The following SLC26A9 variants were observed in gnomAD, a reference collection of about 807,000 sequenced individuals.
SLC26A9 encodes anion transporter/exchanger protein 9.
SLC26A9 carries 46 observed loss-of-function variants against 87.1 expected under a neutral mutation model. The observed-to-expected ratio is 0.53, with a 90% CI of 0.42 to 0.67. SLC26A9 has a LOEUF of 0.67. Among genes scored for constraint, SLC26A9 ranks in the 30% least tolerant of loss-of-function variants. The probability of loss-of-function intolerance (pLI) is 0.00; values close to 1 mark genes in which losing one functional copy is unlikely to be tolerated. For synonymous variants in SLC26A9, 437 were observed against 409.1 expected (o/e 1.07, Z -0.82); for missense variants, 927 against 1,018.3 (o/e 0.91, Z 1.22).
chr1:205,942,589 A>G (rs1219562472), intron 1 of SLC26A9, among the ~76,000 whole-genome samples: 1 of 152,152 alleles, frequency 6.6e-6, no homozygotes, highest in East Asian at 1.9e-4. Flanking sequence ...ACTGCCTGAG[A>G]GTGGCTTGGA....
intron 4 of SLC26A9, 59 bp from the exon 5 acceptor site, chr1:205,932,094 A>G (rs1659332127): frequency 6.3e-7 from 1 of 1,592,764 alleles, no homozygotes; most frequent in Admixed American, 1.7e-5. Flanking sequence ...GATGGAAACC[A>G]GAAAGGGGCC....
In SLC26A9 at chr1:205,942,547, G is replaced by T. The variant is rs114830235; in HGVS notation, c.-19+818C>A. ...GAAGCTTTGTTAGGTCTCAGCTGGGGACCCTCTGGGCTGGTTTTGAGGAAT... is the reference window on the plus strand; with the variant it reads ...GAAGCTTTGTTAGGTCTCAGCTGGGTACCCTCTGGGCTGGTTTTGAGGAAT... On this transcript the variant is annotated intron_variant, in intron 1 of 20. Coordinates refer to ENST00000367135, the MANE Select transcript of SLC26A9 (RefSeq NM_052934.4). Among the ~76,000 whole-genome samples, 611 of 152,310 alleles carry T rather than the reference G, an allele frequency of 4.0e-3. 2 individuals carry two copies. Among genetic ancestry groups the T allele is most frequent in the African/African-American group, 0.014 (594 of 41,558 alleles).
At chr1:205,941,838 A>G (rs1281790043) in intron 1 of SLC26A9, among the ~76,000 whole-genome samples, 1 of 152,230 alleles carries the variant, frequency 6.6e-6, no homozygotes, top group African/African-American at 2.4e-5. Context: ...TTAAATTCCT[A>G]GAAGTCTTTA....
At chr1:205,937,921 G>A (rs1659584564) in intron 1 of SLC26A9, among the ~76,000 whole-genome samples, 1 of 152,106 alleles carries the variant, frequency 6.6e-6, no homozygotes, top group African/African-American at 2.4e-5. Context: ...ATTTCAAGGG[G>A]GGCTGAGTCA....
Position 205,921,764 on chromosome 1 carries a change from G to A in SLC26A9, c.1857C>T (p.Gly619=). The A allele has an allele frequency of 6.2e-7, 1 of 1,600,470 alleles. No individual in the cohort carries two copies. Among genetic ancestry groups the A allele is most frequent in the Non-Finnish European group, 8.5e-7 (1 of 1,173,928 alleles). The change falls in exon 17 of 21, where the codon GGC becomes GGT. Residue 619 remains glycine (G), a synonymous_variant. Transcript: ENST00000367135. ...TGAAGGTGATATAGGACACGCTGGT[G>A]CCGTTAGCCGGGGTCTGGTTGTTGT... is the stretch of plus-strand genomic sequence containing the variant. ...DPNNNQTPAN[G]TSVSYITFSP...
At chr1:205,934,391 C>T (rs545975707) in intron 2 of SLC26A9, among the ~76,000 whole-genome samples, 1 of 152,222 alleles carries the variant, frequency 6.6e-6, no homozygotes, top group Non-Finnish European at 1.5e-5. Flanking sequence ...CTGTTTGTGG[C>T]AGAGAAAGCC....
intron 18 of SLC26A9, 104 bp downstream of exon 18, chr1:205,920,072 G>A (rs1461440126): frequency 7.8e-6 from 10 of 1,278,486 alleles, no homozygotes; most frequent in Non-Finnish European, 1.1e-5. Flanking sequence ...GGGATAGCTG[G>A]GTGCTCTCGT....
Position 205,935,845 on chromosome 1 carries a change from G to A in SLC26A9, c.-18-7C>T. ...TATCTGGGGCATTTACAAGCTTTGG[G>A]AGAAGCAGAGGAGGGGAGGGTGAGG... On this transcript the variant is annotated splice_region_variant and splice_polypyrimidine_tract_variant and intron_variant, in intron 1 of 20. Transcript: ENST00000367135. 6.2e-7 allele frequency: 1 copy of A among 1,609,368 alleles called. No homozygotes were observed. Among genetic ancestry groups the A allele is most frequent in the Non-Finnish European group, 8.5e-7 (1 of 1,176,892 alleles).
At chr1:205,935,521 G>A (rs973493145) in intron 2 of SLC26A9, 175 bp downstream of exon 2, 17 of 953,710 alleles carry the variant, frequency 1.8e-5, no homozygotes, top group South Asian at 7.8e-5. Context: ...ATCCTCCCTG[G>A]GGGTCTCAGT....
rs139483159 is a variant in SLC26A9 at position 205,926,566 on chromosome 1, T to C, written c.1358A>G (p.Tyr453Cys). ...CAGCTTGCTCTTCCTCCACAGGTAG[T>C]AGGGGTCGGTGAGTTGCTTGAGGGA... ...KNSLKQLTDP[Y>C]YLWRKSKLDC... Residue 453 changes from tyrosine to cysteine, a missense_variant, in exon 12 of 21, where the codon TAC becomes TGC. Transcript: ENST00000367135. 3 of 1,614,010 alleles carry C rather than the reference T, an allele frequency of 1.9e-6. No homozygotes were observed. In the African/African-American group the frequency reaches 4.0e-5, roughly 22 times the overall value.
chr1:205,918,896 C>A lies in SLC26A9; in HGVS notation c.2200G>T (p.Val734Phe). The change falls in exon 19 of 21, where the codon GTC becomes TTC. Residue 734 changes from valine (V) to phenylalanine (F), a missense_variant. Val to Phe is a conservative substitution (Grantham distance 50). Coordinates refer to ENST00000367135, the MANE Select transcript of SLC26A9 (RefSeq NM_052934.4). Reference protein sequence around the residue: ...KHVFPSIHDAVLFAQANARDV... With the variant: ...KHVFPSIHDAFLFAQANARDV... Reference sequence around the variant, plus strand: ...CTAGCATTTGCCTGGGCAAAGAGGACTGCGTCATGTATGCTGGGAAAGACG... The same window carrying A: ...CTAGCATTTGCCTGGGCAAAGAGGAATGCGTCATGTATGCTGGGAAAGACG... The A allele has an allele frequency of 6.2e-7, 1 of 1,614,202 alleles. No homozygotes were observed. Among genetic ancestry groups the A allele is most frequent in the Non-Finnish European group, 8.5e-7 (1 of 1,180,026 alleles).
chr1:205,940,855 T>A (rs1659713244), intron 1 of SLC26A9, among the ~76,000 whole-genome samples: 1 of 152,156 alleles, frequency 6.6e-6, no homozygotes, highest in African/African-American at 2.4e-5. Flanking sequence ...GTGTGCCAGG[T>A]ACGGGAACAG....
intron 1 of SLC26A9, among the ~76,000 whole-genome samples, chr1:205,943,077 C>G (rs373924194): frequency 2.6e-5 from 4 of 152,242 alleles, no homozygotes; most frequent in African/African-American, 9.6e-5. Context: ...GCCTTTGCCT[C>G]GCTCTGTTTC....
chr1:205,922,343 T>C (rs891560585), intron 16 of SLC26A9, among the ~76,000 whole-genome samples: 1 of 152,190 alleles, frequency 6.6e-6, no homozygotes. Flanking sequence ...TTCGCCACGT[T>C]GGGCAGGCTG....
At position 205,923,173 on chromosome 1, in the gene SLC26A9, A is replaced by G; in HGVS notation, c.1682T>C (p.Val561Ala). The change falls in exon 16 of 21, where the codon GTA becomes GCA. Residue 561 changes from valine to alanine, a missense_variant. Val to Ala is a moderately conservative substitution (Grantham distance 64). Coordinates refer to ENST00000367135, the MANE Select transcript of SLC26A9 (RefSeq NM_052934.4). ...GAGGTATTTTTGCTTGGCTAGTAAT[A>G]CTTTCTGGGGGTCCATGCCTGTCTG... Reference protein sequence around the residue: ...IAKTGMDPQKVLLAKQKYLKK... With the variant: ...IAKTGMDPQKALLAKQKYLKK... 2 of 1,613,904 alleles carry G rather than the reference A, an allele frequency of 1.2e-6. No homozygotes were observed. Among genetic ancestry groups the G allele is most frequent in the Non-Finnish European group, 1.7e-6 (2 of 1,179,990 alleles).
chr1:205,927,387 G>A, intron 10 of SLC26A9, 99 bp from the exon 11 acceptor site: 1 of 1,559,966 alleles, frequency 6.4e-7, no homozygotes, highest in East Asian at 2.2e-5. Context: ...ACTAAGACGG[G>A]AAGAAGGGGT....
intron 1 of SLC26A9, among the ~76,000 whole-genome samples, chr1:205,941,338 T>C (rs1363160063): frequency 2.6e-5 from 4 of 151,990 alleles, no homozygotes; most frequent in South Asian, 2.1e-4. Context: ...CCAGCTAATA[T>C]TTTTTATATT....
intron 1 of SLC26A9, among the ~76,000 whole-genome samples, chr1:205,937,321 C>T (rs1449550391): frequency 6.6e-6 from 1 of 152,124 alleles, no homozygotes; most frequent in African/African-American, 2.4e-5. Context: ...AGTGTGTACT[C>T]AACACATACT....
chr1:205,927,692 G>T, intron 9 of SLC26A9, 87 bp from the exon 10 acceptor site: 1 of 1,420,296 alleles, frequency 7.0e-7, no homozygotes, highest in Non-Finnish European at 9.7e-7. Flanking sequence ...CTGGACTGTG[G>T]GCCTAAGACC....
Sources: allele counts gnomAD v4.1 joint callset (sites outside exome capture counted in the v4.1 genomes callset), GRCh38; gene constraint gnomAD v4.1.1; transcripts MANE v1.5; gene names NCBI Gene and HGNC (gene_info 2026-07-23, HGNC 2026-07-21).